Variants in HYDIN observed in about 807,000 individuals in gnomAD.
The protein encoded by HYDIN is HYDIN axonemal central pair apparatus protein, also known as axonemal central pair apparatus protein HYDIN.
A neutral mutation model predicts 403.9 loss-of-function variants in HYDIN; 132 were observed. That is an observed-to-expected ratio of 0.33 (90% CI 0.28 to 0.38). The LOEUF is 0.38. Ranked by LOEUF, HYDIN falls within the 10% of genes least tolerant of loss-of-function variation. The probability of loss-of-function intolerance (pLI) is 1.00; values close to 1 mark genes in which losing one functional copy is unlikely to be tolerated. For synonymous variants in HYDIN, 1,202 were observed against 1,891.7 expected (o/e 0.64, Z 9.46); for missense variants, 2,827 against 5,009.5 (o/e 0.56, Z 13.15).
rs1478148338 is a variant in HYDIN, at chr16:70,849,069, A to ATGGGGGCT, written c.12873+649_12873+656dup. ...TGAACTTCTAGACAACTCTTTTAGAATGGGGGCTTTTGGGGAGTTGCAATC... is the reference window on the plus strand; with the variant it reads ...TGAACTTCTAGACAACTCTTTTAGAATGGGGGCTTGGGGGCTTTTGGGGAGTTGCAATC... On this transcript the variant is annotated intron_variant, in intron 75 of 85. Coordinates refer to ENST00000393567, the MANE Select transcript of HYDIN (RefSeq NM_001270974.2). Among the ~76,000 whole-genome samples, 894 of 152,194 alleles carry ATGGGGGCT rather than the reference A, an allele frequency of 5.9e-3. 7 individuals are homozygous for ATGGGGGCT. Among genetic ancestry groups the ATGGGGGCT allele is most frequent in the African/African-American group, 0.02 (841 of 41,524 alleles).
chr16:70,970,509 C>A lies in HYDIN; in HGVS notation c.5619+11G>T, dbSNP rs774814724. The A allele has an allele frequency of 6.3e-6, 10 of 1,599,794 alleles. No homozygotes were observed. The South Asian group carries it at 1.0e-4, about 16-fold the overall frequency. On this transcript the variant is annotated intron_variant, in intron 36 of 85. Transcript: ENST00000393567. Reference sequence around the variant, plus strand: ...CGTGTAGAAAAACAGTTTGGTTTGACCTCTGCTCACCTTTTCTTCTATGAG... The same window carrying A: ...CGTGTAGAAAAACAGTTTGGTTTGAACTCTGCTCACCTTTTCTTCTATGAG...
rs1448566491 is a variant in HYDIN, at chr16:71,115,705, C to T, written c.1318G>A (p.Asp440Asn). Reference protein sequence around the residue: ...AKLYQQTIYCDILGREIRLPL... With the variant: ...AKLYQQTIYCNILGREIRLPL... ...TGGAGGAGGTCACTACCTAAAATGT[C>T]GCAGTAAATGGTCTGTTGATAGAGC... Residue 440 changes from aspartate to asparagine, a missense_variant, in exon 10 of 86, where the codon GAC becomes AAC. By Grantham distance (23) the Asp-to-Asn change is conservative. Coordinates refer to ENST00000393567, the MANE Select transcript of HYDIN (RefSeq NM_001270974.2). 8 of 835,202 alleles carry T rather than the reference C, an allele frequency of 9.6e-6. No homozygotes were observed. Among genetic ancestry groups the T allele is most frequent in the African/African-American group, 1.7e-5 (1 of 58,710 alleles). 51.7% of individuals were successfully genotyped at this position (835,202 alleles called of 1,614,324 possible). A position where few individuals can be genotyped will look rare whatever the true frequency, so the allele number is the denominator to read the frequency against.
At chr16:71,172,324 C>T (rs906192093) in intron 5 of HYDIN, among the ~76,000 whole-genome samples, 6 of 152,150 alleles carry the variant, frequency 3.9e-5, no homozygotes. Context: ...CAAGGAAGTA[C>T]TTTGTTTTGC....
intron 1 of HYDIN, among the ~76,000 whole-genome samples, chr16:71,213,212 CCAAA>C (rs2088688042): frequency 6.6e-6 from 1 of 151,820 alleles, no homozygotes; most frequent in Non-Finnish European, 1.5e-5. Context: ...GAAAGTGATC[CCAAA>C]TGGAAAAATC....
chr16:71,057,441 T>TGTCA (rs2081937555), intron 18 of HYDIN, among the ~76,000 whole-genome samples: 1 of 152,326 alleles, frequency 6.6e-6, no homozygotes, highest in African/African-American at 2.4e-5. Flanking sequence ...TCTGGTGAGC[T>TGTCA]GTCACAAGTC....
At chr16:71,187,088 G>T (rs1489223215) in intron 1 of HYDIN, among the ~76,000 whole-genome samples, 170 bp from the exon 2 acceptor site, 1 of 151,898 alleles carries the variant, frequency 6.6e-6, no homozygotes, top group Non-Finnish European at 1.5e-5. Flanking sequence ...CATATAACTA[G>T]ATTTATCCTT....
intron 77 of HYDIN, among the ~76,000 whole-genome samples, chr16:70,836,759 G>A (rs1452360577): frequency 6.6e-6 from 1 of 152,222 alleles, no homozygotes; most frequent in Non-Finnish European, 1.5e-5. Flanking sequence ...AAGAGAGTCT[G>A]TCCCACCAGT....
At chr16:70,822,331 G>C (rs7194708) in intron 83 of HYDIN, among the ~76,000 whole-genome samples, 1 of 152,060 alleles carries the variant, frequency 6.6e-6, no homozygotes, top group African/African-American at 2.4e-5. Context: ...ATTAGAGGTG[G>C]AGCTTGAAGA....
At chr16:71,000,854 T>C (rs1219027059) in intron 23 of HYDIN, among the ~76,000 whole-genome samples, 1 of 152,122 alleles carries the variant, frequency 6.6e-6, no homozygotes, top group East Asian at 1.9e-4. Context: ...AGATGGAGTG[T>C]AAAGTGGTCT....
chr16:70,931,832 T>C lies in HYDIN; in HGVS notation c.7158+4120A>G, dbSNP rs527516308. Among the ~76,000 whole-genome samples the C allele has an allele frequency of 3.3e-5, 5 of 150,148 alleles. No homozygotes were observed. The East Asian group carries it at 9.9e-4, about 30-fold the overall frequency. ...GAGTTCAAGACCAGCCTGGCCAATA[T>C]GGTGAAATCCTGTCTCTACAAAAAA... On this transcript the variant is annotated intron_variant, in intron 45 of 85. Coordinates refer to ENST00000393567, the MANE Select transcript of HYDIN (RefSeq NM_001270974.2).
chr16:70,973,124 C>T (rs2078780044), intron 35 of HYDIN, among the ~76,000 whole-genome samples: 1 of 152,188 alleles, frequency 6.6e-6, no homozygotes, highest in South Asian at 2.1e-4. Context: ...GGCTACTAAC[C>T]CAGGCCTTCT....
At chr16:70,916,264 T>C (rs1289197686) in intron 47 of HYDIN, among the ~76,000 whole-genome samples, 1 of 152,172 alleles carries the variant, frequency 6.6e-6, no homozygotes, top group Non-Finnish European at 1.5e-5. Flanking sequence ...AAGATCCCTG[T>C]GATGCCAGAC....
intron 45 of HYDIN, among the ~76,000 whole-genome samples, chr16:70,931,574 T>C (rs1335296806): frequency 2.0e-5 from 3 of 151,726 alleles, no homozygotes; most frequent in African/African-American, 7.3e-5. Context: ...TCTCTGCATA[T>C]TAACAGGATC....
chr16:70,985,183 A>G lies in HYDIN; in HGVS notation c.4332+2T>C, dbSNP rs2079152944. On this transcript the variant is annotated splice_donor_variant, in intron 28 of 85. Transcript: ENST00000393567. LOFTEE classifies it high-confidence loss of function. ...TTCGGGCCCCTCCCACCATTTACTT[A>G]CAGACACAGGCAGGATTAGTGGCAC... 6.2e-7 allele frequency: 1 copy of G among 1,610,960 alleles called. No homozygotes were observed. Among genetic ancestry groups the G allele is most frequent in the Admixed American group, 1.7e-5 (1 of 59,762 alleles).
At chr16:70,824,990 T>C (rs969397869) in intron 83 of HYDIN, among the ~76,000 whole-genome samples, 2 of 151,922 alleles carry the variant, frequency 1.3e-5, no homozygotes, top group Non-Finnish European at 2.9e-5. Context: ...GCTGAGACTA[T>C]AGGCGCGTGC....
intron 1 of HYDIN, among the ~76,000 whole-genome samples, chr16:71,198,755 C>CCTGGGTTT (rs2087834898): frequency 1.3e-5 from 2 of 152,124 alleles, no homozygotes; most frequent in African/African-American, 4.8e-5. Context: ...TTTCTGGGTT[C>CCTGGGTTT]CTGGGTTTCT....
chr16:70,996,167 T>C (rs1010318585), intron 23 of HYDIN, among the ~76,000 whole-genome samples: 7 of 152,070 alleles, frequency 4.6e-5, no homozygotes, highest in African/African-American at 1.7e-4. Flanking sequence ...ACTTCTGAAA[T>C]CACATCTTCC....
chr16:71,005,619 A>C (rs924344574), intron 23 of HYDIN, among the ~76,000 whole-genome samples: 1 of 152,220 alleles, frequency 6.6e-6, no homozygotes, highest in African/African-American at 2.4e-5. Context: ...CATTACACTT[A>C]AGTGTAGAAA....
At chr16:70,978,599 TG>T (rs1329910055) in intron 30 of HYDIN, among the ~76,000 whole-genome samples, 2 of 152,242 alleles carry the variant, frequency 1.3e-5, no homozygotes, top group Non-Finnish European at 2.9e-5. Context: ...CTCTTAAAGA[TG>T]CAAAGTCGAT....
Sources: allele counts gnomAD v4.1 joint callset (sites outside exome capture counted in the v4.1 genomes callset), GRCh38; gene constraint gnomAD v4.1.1; transcripts MANE v1.5; gene names NCBI Gene and HGNC (gene_info 2026-07-23, HGNC 2026-07-21).